TC2N: variants seen among roughly 807,000 people sequenced by gnomAD.
The protein encoded by TC2N is tandem C2 domains, nuclear, also known as tandem C2 domains nuclear protein.
Under a neutral mutation model 61.9 loss-of-function variants are expected in TC2N, and 51 were observed. That is an observed-to-expected ratio of 0.82 (90% CI 0.66 to 1.04). TC2N has a LOEUF of 1.04. Ranked by LOEUF, TC2N falls within the 50% of genes least tolerant of loss-of-function variation. TC2N has a pLI of 0.00. For synonymous variants in TC2N, 204 were observed against 192.6 expected (o/e 1.06, Z -0.49); for missense variants, 556 against 566.7 (o/e 0.98, Z 0.19).
At position 91,799,015 on chromosome 14, in the gene TC2N, T is replaced by G. The variant is rs1175151014; in HGVS notation, c.611A>C (p.Asn204Thr). The change falls in exon 6 of 12, where the codon AAT becomes ACT. Residue 204 changes from asparagine to threonine, a missense_variant. Transcript: ENST00000435962. ...CAGGCTTCTGTTACTCCCCTGAGAA[T>G]TTTTCCTTGAAGAAGAACTACTGGG... ...SVPSSSSSRK[N>T]SQGSNRSLDT... 1.3e-6 allele frequency: 2 copies of G among 1,599,622 alleles called. No individual in the cohort carries two copies. Among genetic ancestry groups the G allele is most frequent in the Admixed American group, 1.7e-5 (1 of 57,450 alleles).
At chr14:91,804,835 T>C (rs1886432094) in intron 3 of TC2N, among the ~76,000 whole-genome samples, 1 of 152,152 alleles carries the variant, frequency 6.6e-6, no homozygotes, top group Non-Finnish European at 1.5e-5. Context: ...AGAGAAGCTA[T>C]GGGGTTACTA....
At chr14:91,809,369 C>T (rs1199544999) in intron 3 of TC2N, among the ~76,000 whole-genome samples, 2 of 152,144 alleles carry the variant, frequency 1.3e-5, no homozygotes, top group Non-Finnish European at 2.9e-5. Context: ...AACCATGCCA[C>T]TGCACTCCAG....
intron 8 of TC2N, among the ~76,000 whole-genome samples, chr14:91,793,640 T>TGG (rs1289731263): frequency 6.6e-5 from 10 of 152,168 alleles, no homozygotes; most frequent in African/African-American, 2.2e-4. Context: ...TTGTAATTGT[T>TGG]TTGGAGTGCC....
intron 3 of TC2N, among the ~76,000 whole-genome samples, chr14:91,809,657 C>T (rs1412500181): frequency 1.3e-5 from 2 of 152,058 alleles, no homozygotes; most frequent in Admixed American, 1.3e-4. Flanking sequence ...GTTGGCAACA[C>T]GCAGGGTATA....
At chr14:91,826,261 G>C (rs999902497) in intron 1 of TC2N, among the ~76,000 whole-genome samples, 2 of 151,518 alleles carry the variant, frequency 1.3e-5, no homozygotes, top group African/African-American at 4.9e-5. Flanking sequence ...TGGAGGCTGT[G>C]GGAAGCCGTG....
chr14:91,862,950 G>T (rs1046905682), intron 1 of TC2N, among the ~76,000 whole-genome samples: 1 of 152,218 alleles, frequency 6.6e-6, no homozygotes, highest in Non-Finnish European at 1.5e-5. Context: ...GAGTTGAAAG[G>T]ATCTCCTTGA....
At chr14:91,865,324 T>C (rs558329781) in intron 1 of TC2N, among the ~76,000 whole-genome samples, 2 of 151,628 alleles carry the variant, frequency 1.3e-5, no homozygotes, top group South Asian at 4.2e-4. Context: ...GCTACCAAAG[T>C]GATAAATTTT....
rs58734552 is a variant in TC2N at position 91,802,744 on chromosome 14, TG to T, written c.302-324del. ...TAGAACATCTTTTAAATTACAAGAT[TG>T]GGGGGGGAGATACATCCTTTTCAAG... On this transcript the variant is annotated intron_variant, in intron 3 of 11. Transcript: ENST00000435962. Among the ~76,000 whole-genome samples the T allele has an allele frequency of 1.3e-3, 188 of 150,374 alleles. 1 individual carries two copies. Among genetic ancestry groups the T allele is most frequent in the Non-Finnish European group, 1.8e-3 (125 of 67,750 alleles).
At chr14:91,859,836 G>A (rs1399702959) in intron 1 of TC2N, among the ~76,000 whole-genome samples, 3 of 152,196 alleles carry the variant, frequency 2.0e-5, no homozygotes, top group African/African-American at 7.2e-5. Context: ...GCTCAGACAG[G>A]AGCAGCTGGA....
rs567354989 is a variant in TC2N, at chr14:91,786,008, A to G, written c.1163-647T>C. 2.6e-5 allele frequency among the ~76,000 whole-genome samples: 4 copies of G among 152,226 alleles called. No homozygotes were observed. The South Asian group carries it at 8.3e-4, about 32-fold the overall frequency. ...GCATACTCCCCTATCTGACTGACAC[A>G]CAGTGCCTACAGCTCAAGCAGAAAG... On this transcript the variant is annotated intron_variant, in intron 10 of 11. Coordinates refer to ENST00000435962, the MANE Select transcript of TC2N (RefSeq NM_001128596.3).
chr14:91,791,026 A>C (rs1041009528), intron 9 of TC2N, among the ~76,000 whole-genome samples: 3 of 151,784 alleles, frequency 2.0e-5, no homozygotes, highest in Non-Finnish European at 4.4e-5. Context: ...CTAGCTACTC[A>C]GGAGGCTGAC....
intron 1 of TC2N, among the ~76,000 whole-genome samples, chr14:91,826,506 T>C (rs1039766420): frequency 6.6e-6 from 1 of 152,116 alleles, no homozygotes; most frequent in African/African-American, 2.4e-5. Context: ...ATGAGGTACA[T>C]ATAAATTTAT....
intron 1 of TC2N, among the ~76,000 whole-genome samples, chr14:91,856,214 C>A: frequency 1.3e-5 from 2 of 152,214 alleles, no homozygotes; most frequent in Middle Eastern, 6.8e-3. Context: ...AAGGGCCAGG[C>A]GTCCTGGCTC....
chr14:91,857,799 T>A (rs1490117729), intron 1 of TC2N, among the ~76,000 whole-genome samples: 1 of 152,166 alleles, frequency 6.6e-6, no homozygotes, highest in African/African-American at 2.4e-5. Context: ...CCCAGCCCAC[T>A]TTTCCAAGTT....
In TC2N at chr14:91,800,315, A is replaced by C. The variant is rs781304170; in HGVS notation, c.527T>G (p.Phe176Cys). 3.1e-6 allele frequency: 5 copies of C among 1,605,238 alleles called. No homozygotes were observed. Among genetic ancestry groups the C allele is most frequent in the Middle Eastern group, 1.7e-4 (1 of 6,022 alleles). The change falls in exon 5 of 12, where the codon TTT becomes TGT. Residue 176 changes from phenylalanine (F) to cysteine (C), a missense_variant. Physicochemically the swap from Phe to Cys is radical, Grantham distance 205 (BLOSUM62 -2). Transcript: ENST00000435962. ...PGSPGLSKSMFDLTNSSQRFI... is the reference protein window; with the variant it reads ...PGSPGLSKSMCDLTNSSQRFI... ...TCGCTGAGATGAGTTTGTAAGATCA[A>C]ACATAGATTTGCTTAGCCCAGGGGA...
At chr14:91,816,417 G>A (rs1382080951) in intron 1 of TC2N, among the ~76,000 whole-genome samples, 1 of 151,670 alleles carries the variant, frequency 6.6e-6, no homozygotes, top group Non-Finnish European at 1.5e-5. Context: ...ATCTGTAATT[G>A]TTTATATGAA....
chr14:91,799,294 G>C (rs1886096280), intron 5 of TC2N, among the ~76,000 whole-genome samples: 1 of 151,806 alleles, frequency 6.6e-6, no homozygotes, highest in African/African-American at 2.4e-5. Context: ...AGCCTTTGCT[G>C]TTTTGGTTTG....
At chr14:91,833,820 A>G (rs1887891678) in intron 1 of TC2N, among the ~76,000 whole-genome samples, 2 of 152,224 alleles carry the variant, frequency 1.3e-5, no homozygotes, top group Non-Finnish European at 2.9e-5. Context: ...CAGTTGCTCC[A>G]CATCCTCATC....
intron 7 of TC2N, among the ~76,000 whole-genome samples, 169 bp downstream of exon 7, chr14:91,798,129 AT>A (rs1302019024): frequency 1.3e-5 from 2 of 151,906 alleles, no homozygotes; most frequent in South Asian, 2.1e-4. Context: ...CATACTACAG[AT>A]TTTTTTCTTA....
Sources: gnomAD v4.1 joint callset for allele counts (sites outside exome capture counted in the v4.1 genomes callset) on GRCh38, gnomAD v4.1.1 for gene constraint, MANE v1.5 for transcripts, NCBI Gene and HGNC (gene_info 2026-07-23, HGNC 2026-07-21) for gene names.